The following CNGB3 variants were observed in gnomAD, a reference collection of about 807,000 sequenced individuals.
The protein encoded by CNGB3 is cyclic nucleotide gated channel subunit beta 3.
CNGB3 carries 86 observed loss-of-function variants against 92.8 expected under a neutral mutation model. That is an observed-to-expected ratio of 0.93 (90% confidence interval 0.78 to 1.11). The LOEUF (loss-of-function observed/expected upper bound fraction) is 1.11, where lower values mean the gene tolerates loss of function less well. CNGB3 is among the 50% of genes least tolerant of loss of function. CNGB3 has a pLI of 0.00. For synonymous variants in CNGB3, 333 were observed against 332.7 expected (o/e 1.00, Z -0.01); for missense variants, 1,026 against 956.8 (o/e 1.07, Z -0.95).
intron 3 of CNGB3, among the ~76,000 whole-genome samples, chr8:86,693,735 C>A (rs1341698112): frequency 6.6e-6 from 1 of 151,740 alleles, no homozygotes; most frequent in Non-Finnish European, 1.5e-5. Flanking sequence ...GGACACAGCA[C>A]ATGTTTCAGA....
chr8:86,711,508 G>A (rs1824749718), intron 3 of CNGB3, among the ~76,000 whole-genome samples: 1 of 152,104 alleles, frequency 6.6e-6, no homozygotes, highest in Non-Finnish European at 1.5e-5. Flanking sequence ...AGACTCAGAA[G>A]TTCTGTCAGC....
chr8:86,715,399 C>G (rs558985184), intron 3 of CNGB3, among the ~76,000 whole-genome samples: 1 of 152,246 alleles, frequency 6.6e-6, no homozygotes, highest in East Asian at 1.9e-4. Context: ...TAGTACCACC[C>G]TGAAGTCCTG....
intron 5 of CNGB3, among the ~76,000 whole-genome samples, chr8:86,667,485 C>G (rs1823766461): frequency 6.6e-6 from 1 of 152,172 alleles, no homozygotes; most frequent in South Asian, 2.1e-4. Context: ...AGCCACAGAT[C>G]TTTAGTTCCT....
chr8:86,726,526 C>G lies in CNGB3; in HGVS notation c.338+5G>C, dbSNP rs1386950934. The G allele has an allele frequency of 6.2e-7, 1 of 1,613,612 alleles. No homozygotes were observed. Among genetic ancestry groups the G allele is most frequent in the Non-Finnish European group, 8.5e-7 (1 of 1,179,638 alleles). ...AATATGTTGTGTGTTTTATTAAATG[C>G]TCACCTGTTTGGACCTTCTTTCCCG... On this transcript the variant is annotated splice_donor_5th_base_variant and intron_variant, in intron 3 of 17. Coordinates refer to ENST00000320005, the MANE Select transcript of CNGB3 (RefSeq NM_019098.5).
At chr8:86,585,889 TC>T (rs1821880431) in intron 15 of CNGB3, among the ~76,000 whole-genome samples, 1 of 152,224 alleles carries the variant, frequency 6.6e-6, no homozygotes, top group African/African-American at 2.4e-5. Flanking sequence ...AGGAGATAGG[TC>T]AGTACAATGC....
At chr8:86,588,225 AAGG>A (rs1317962972) in intron 15 of CNGB3, among the ~76,000 whole-genome samples, 1 of 146,300 alleles carries the variant, frequency 6.8e-6, no homozygotes, top group Non-Finnish European at 1.5e-5. Context: ...TTATCAGCTT[AAGG>A]AGATTTTGGG....
chr8:86,635,431 C>A (rs1823043226), intron 10 of CNGB3, among the ~76,000 whole-genome samples: 1 of 151,976 alleles, frequency 6.6e-6, no homozygotes, highest in African/African-American at 2.4e-5. Context: ...CTCCCATTTT[C>A]TTTTTTATGA....
At chr8:86,689,538 C>CT (rs1824262915) in intron 3 of CNGB3, among the ~76,000 whole-genome samples, 1 of 149,666 alleles carries the variant, frequency 6.7e-6, no homozygotes. Flanking sequence ...TTTATTATTT[C>CT]TTTATTTTTT....
chr8:86,646,482 A>AT (rs1823293944), intron 8 of CNGB3, among the ~76,000 whole-genome samples: 1 of 151,180 alleles, frequency 6.6e-6, no homozygotes, highest in Non-Finnish European at 1.5e-5. Flanking sequence ...GTCTGGACAG[A>AT]TTTTTCCGCC....
At chr8:86,708,709 A>C (rs1364705431) in intron 3 of CNGB3, among the ~76,000 whole-genome samples, 1 of 151,674 alleles carries the variant, frequency 6.6e-6, no homozygotes, top group African/African-American at 2.4e-5. Flanking sequence ...TTGGGACTGC[A>C]GGCATGTGCC....
intron 3 of CNGB3, among the ~76,000 whole-genome samples, chr8:86,717,707 A>G (rs1347958938): frequency 6.6e-6 from 1 of 152,180 alleles, no homozygotes; most frequent in Non-Finnish European, 1.5e-5. Flanking sequence ...ACTGCAGAAT[A>G]TACATTCTAT....
At position 86,579,196 on chromosome 8, in the gene CNGB3, A is replaced by G; in HGVS notation, c.1838T>C (p.Phe613Ser). Residue 613 changes from phenylalanine (F) to serine (S), a missense_variant, in exon 16 of 18, where the codon TTT (phenylalanine) becomes TCT (serine). By Grantham distance (155) the Phe-to-Ser change is radical (BLOSUM62 -2). Coordinates refer to ENST00000320005, the MANE Select transcript of CNGB3 (RefSeq NM_019098.5). ...TTTGTCTAGAGTTAAAAGATTGGCAAACCCGTGGGCCACCACATTGGCAGT... is the reference window on the plus strand; with the variant it reads ...TTTGTCTAGAGTTAAAAGATTGGCAGACCCGTGGGCCACCACATTGGCAGT... ...RRTANVVAHGFANLLTLDKKT... is the reference protein window; with the variant it reads ...RRTANVVAHGSANLLTLDKKT... The G allele has an allele frequency of 6.2e-7, 1 of 1,614,174 alleles. No individual in the cohort carries two copies. Among genetic ancestry groups the G allele is most frequent in the Non-Finnish European group, 8.5e-7 (1 of 1,180,026 alleles).
At chr8:86,741,928 G>A (rs1452938662) in intron 1 of CNGB3, among the ~76,000 whole-genome samples, 1 of 152,170 alleles carries the variant, frequency 6.6e-6, no homozygotes, top group Non-Finnish European at 1.5e-5. Context: ...TATCCCTCCT[G>A]TTTTGAGCAG....
At chr8:86,657,184 A>G (rs1474477256) in intron 6 of CNGB3, among the ~76,000 whole-genome samples, 2 of 152,256 alleles carry the variant, frequency 1.3e-5, no homozygotes, top group Non-Finnish European at 2.9e-5. Context: ...AAATAACAAC[A>G]TAATCATCCA....
intron 6 of CNGB3, chr8:86,658,240 GCTC>G (rs1823556456): frequency 2.3e-5 from 13 of 554,252 alleles, no homozygotes; most frequent in Middle Eastern, 3.7e-4. Context: ...GGCCATGCCT[GCTC>G]CTCCTCGGCA....
chr8:86,663,977 TCAAACATTGATTTTCTC>T (rs1823693495), intron 6 of CNGB3, among the ~76,000 whole-genome samples: 1 of 152,254 alleles, frequency 6.6e-6, no homozygotes, highest in Non-Finnish European at 1.5e-5. Context: ...TTTCCATTTG[TCAAACATTGATTTTCTC>T]CCCCCTTGTG....
chr8:86,577,194 C>A (rs971807), intron 17 of CNGB3, among the ~76,000 whole-genome samples: 89,304 of 151,930 alleles, frequency 0.59, 28,017 homozygotes, highest in Admixed American at 0.69. Flanking sequence ...AATTGAAAGG[C>A]AGCTTAGTGT....
At chr8:86,627,719 C>T (rs540748320) in intron 12 of CNGB3, among the ~76,000 whole-genome samples, 1 of 152,318 alleles carries the variant, frequency 6.6e-6, no homozygotes, top group East Asian at 1.9e-4. Flanking sequence ...TAGTTGTAGA[C>T]ACCATTAATT....
At chr8:86,622,489 G>A (rs528419256) in intron 13 of CNGB3, among the ~76,000 whole-genome samples, 40 of 151,042 alleles carry the variant, frequency 2.6e-4, no homozygotes, top group South Asian at 4.2e-4. Context: ...TACCTTCCCC[G>A]GCAAGACAAA....
Sources: gnomAD v4.1 joint callset for allele counts (sites outside exome capture counted in the v4.1 genomes callset) on GRCh38, gnomAD v4.1.1 for gene constraint, MANE v1.5 for transcripts, NCBI Gene and HGNC (gene_info 2026-07-23, HGNC 2026-07-21) for gene names.